The following ART3 variants were observed in gnomAD, a reference collection of about 807,000 sequenced individuals.
The protein encoded by ART3 is ecto-ADP-ribosyltransferase 3.
A neutral mutation model predicts 48.5 loss-of-function variants in ART3; 49 were observed. The observed-to-expected ratio is 1.01, with a 90% CI of 0.80 to 1.28. ART3 has a LOEUF of 1.28. Among genes scored for constraint, ART3 ranks in the 50% most tolerant of loss-of-function variants. The pLI is 0.00. For synonymous variants in ART3, 145 were observed against 157.2 expected (o/e 0.92, Z 0.58); for missense variants, 438 against 454.3 (o/e 0.96, Z 0.33).
At chr4:76,090,809 A>G (rs1287714321) in intron 3 of ART3, among the ~76,000 whole-genome samples, 2 of 152,234 alleles carry the variant, frequency 1.3e-5, no homozygotes, top group Non-Finnish European at 2.9e-5. Context: ...TGATATATGT[A>G]TATGCCAATG....
chr4:76,107,638 A>G (rs1728728651), intron 10 of ART3, 123 bp from the exon 11 acceptor site: 4 of 611,168 alleles, frequency 6.5e-6, no homozygotes, highest in Non-Finnish European at 8.6e-6. Context: ...CCGTAAACCT[A>G]TTACCCTGCC....
At chr4:76,023,915 C>G (rs1052185964) in intron 1 of ART3, among the ~76,000 whole-genome samples, 4 of 152,118 alleles carry the variant, frequency 2.6e-5, no homozygotes, top group African/African-American at 7.2e-5. Flanking sequence ...TTGGTAACAG[C>G]AAGTTGTGCC....
chr4:76,063,973 A>G lies in ART3; in HGVS notation c.-9-11908A>G, dbSNP rs184212788. ...GGAAATAATTTCAGAATATATTCCT[A>G]CAAAACAAAGATAAATATGAAGCAA... On this transcript the variant is annotated intron_variant, in intron 1 of 9. Coordinates refer to the ART3 transcript ENST00000341029. 6.6e-5 allele frequency among the ~76,000 whole-genome samples: 10 copies of G among 152,346 alleles called. No homozygotes were observed. In the East Asian group the frequency reaches 1.9e-3, roughly 29 times the overall value.
chr4:76,030,555 G>C (rs1733786761), intron 1 of ART3, among the ~76,000 whole-genome samples: 1 of 152,140 alleles, frequency 6.6e-6, no homozygotes, highest in Non-Finnish European at 1.5e-5. Flanking sequence ...TACTTTCACA[G>C]TGCTGTGAAG....
intron 2 of ART3, among the ~76,000 whole-genome samples, chr4:76,079,918 T>TCA (rs58491679): frequency 0.11 from 16,763 of 149,174 alleles, 1,223 homozygotes; most frequent in East Asian, 0.34. Flanking sequence ...TCTCTCTCTC[T>TCA]CACACACACA....
chr4:76,018,920 G>T (rs535982838), intron 1 of ART3, among the ~76,000 whole-genome samples: 2 of 151,810 alleles, frequency 1.3e-5, no homozygotes, highest in African/African-American at 4.8e-5. Flanking sequence ...ACATGCCTGT[G>T]GTCCTAGCTA....
intron 3 of ART3, among the ~76,000 whole-genome samples, chr4:76,089,448 A>G (rs112069737): frequency 5.9e-5 from 9 of 152,116 alleles, no homozygotes; most frequent in African/African-American, 2.2e-4. Flanking sequence ...TTGTTTAAAA[A>G]TGTGTAGCAT....
At chr4:76,090,564 G>C (rs925155696) in intron 3 of ART3, among the ~76,000 whole-genome samples, 10 of 152,158 alleles carry the variant, frequency 6.6e-5, no homozygotes, top group Non-Finnish European at 1.2e-4. Flanking sequence ...TCCAGACTGC[G>C]TCTAATGTTT....
chr4:76,015,086 A>G (rs1216502335), intron 1 of ART3, among the ~76,000 whole-genome samples: 2 of 152,240 alleles, frequency 1.3e-5, no homozygotes, highest in African/African-American at 4.8e-5. Context: ...ATGAAAGGAT[A>G]CTAACTCCAA....
At chr4:76,100,403 C>T (rs7661525) in intron 6 of ART3, 83 bp downstream of exon 6, 82 of 1,376,232 alleles carry the variant, frequency 6.0e-5, no homozygotes, top group African/African-American at 7.2e-5. Context: ...GAGGCCGAGG[C>T]GGGAGGATCA....
At chr4:76,089,938 G>A (rs1448007812) in intron 3 of ART3, among the ~76,000 whole-genome samples, 3 of 152,106 alleles carry the variant, frequency 2.0e-5, no homozygotes, top group Non-Finnish European at 4.4e-5. Flanking sequence ...AAATTAGCCA[G>A]GCATGGTGGT....
chr4:76,035,449 A>G, intron 1 of ART3: 1 of 1,153,550 alleles, frequency 8.7e-7, no homozygotes, highest in Non-Finnish European at 1.2e-6. Flanking sequence ...GGGTAAAGAT[A>G]GTAATTTGTC....
intron 1 of ART3, among the ~76,000 whole-genome samples, chr4:76,031,345 TCAAA>T (rs1476998753): frequency 7.7e-6 from 1 of 130,022 alleles, no homozygotes; most frequent in Non-Finnish European, 1.6e-5. Flanking sequence ...ATAATGAAGA[TCAAA>T]CAGAGAAATG....
intron 1 of ART3, among the ~76,000 whole-genome samples, chr4:76,025,165 C>T (rs1733261684): frequency 6.7e-6 from 1 of 149,544 alleles, no homozygotes; most frequent in Non-Finnish European, 1.5e-5. Context: ...GGCGTTCGTT[C>T]TGATGAGGGA....
intron 1 of ART3, among the ~76,000 whole-genome samples, chr4:76,059,824 G>C (rs908378585): frequency 1.3e-5 from 2 of 152,212 alleles, no homozygotes; most frequent in African/African-American, 4.8e-5. Context: ...TATCAAGTTT[G>C]TACATGTCTC....
intron 1 of ART3, among the ~76,000 whole-genome samples, chr4:76,055,667 T>G (rs1338044890): frequency 6.6e-6 from 1 of 152,180 alleles, no homozygotes; most frequent in African/African-American, 2.4e-5. Flanking sequence ...TGGAACAATT[T>G]GGGATAAATA....
chr4:76,099,159 A>G lies in ART3; in HGVS notation c.847+172A>G, dbSNP rs767688854. 3.3e-4 allele frequency: 205 copies of G among 611,976 alleles called. 1 individual carries two copies. In the East Asian group the frequency reaches 6.7e-3, roughly 20 times the overall value. 37.9% of individuals were successfully genotyped at this position (611,976 alleles called of 1,614,324 possible). A position where few individuals can be genotyped will look rare whatever the true frequency, so the allele number is the denominator to read the frequency against. On this transcript the variant is annotated intron_variant, in intron 5 of 11. Transcript: ENST00000355810. ...TCTACAAAAAATACAAAACTTAGCC[A>G]GGCATGGTGGTGTGCACCTGTAGTC...
At chr4:76,032,198 A>T (rs1256544816) in intron 1 of ART3, among the ~76,000 whole-genome samples, 1 of 150,642 alleles carries the variant, frequency 6.6e-6, no homozygotes, top group Non-Finnish European at 1.5e-5. Flanking sequence ...CCAATTTATC[A>T]TGCAGCCTTA....
chr4:76,078,158 G>T (rs778157044), intron 2 of ART3, among the ~76,000 whole-genome samples: 4 of 151,722 alleles, frequency 2.6e-5, no homozygotes, highest in Middle Eastern at 3.4e-3. Flanking sequence ...TTTAGTATCT[G>T]TTCAGTTGTC....
Sources: gnomAD v4.1 joint callset for allele counts (sites outside exome capture counted in the v4.1 genomes callset) on GRCh38, gnomAD v4.1.1 for gene constraint, MANE v1.5 for transcripts, NCBI Gene and HGNC (gene_info 2026-07-23, HGNC 2026-07-21) for gene names.